PITPNC1: variants seen among roughly 807,000 people sequenced by gnomAD.
PITPNC1 encodes phosphatidylinositol transfer protein cytoplasmic 1, also known as cytoplasmic phosphatidylinositol transfer protein 1.
PITPNC1 carries 18 observed loss-of-function variants against 44.7 expected under a neutral mutation model. The ratio of observed to expected loss-of-function variants is 0.40; its 90% CI spans 0.28 to 0.60. PITPNC1 has a LOEUF of 0.60. Ranked by LOEUF, PITPNC1 falls within the 20% of genes least tolerant of loss-of-function variation. The pLI is 0.39. For synonymous variants in PITPNC1, 141 were observed against 149.6 expected (o/e 0.94, Z 0.42); for missense variants, 290 against 418.4 (o/e 0.69, Z 2.68).
At chr17:67,602,972 C>T (rs563245277) in intron 5 of PITPNC1, among the ~76,000 whole-genome samples, 47 of 152,112 alleles carry the variant, frequency 3.1e-4, no homozygotes, top group Non-Finnish European at 5.4e-4. Flanking sequence ...AACTCCTGGG[C>T]TCAAGTGATC....
intron 1 of PITPNC1, among the ~76,000 whole-genome samples, chr17:67,500,341 A>G (rs1402263559): frequency 6.6e-6 from 1 of 152,254 alleles, no homozygotes; most frequent in Non-Finnish European, 1.5e-5. Context: ...ATTCTGATAT[A>G]TGCTACAACA....
intron 8 of PITPNC1, among the ~76,000 whole-genome samples, chr17:67,684,313 A>G (rs1485813453): frequency 6.6e-6 from 1 of 151,880 alleles, no homozygotes; most frequent in Admixed American, 6.6e-5. Flanking sequence ...GGGTTTCACC[A>G]TGTTGGCCGG....
chr17:67,625,426 G>A (rs1166365636), intron 5 of PITPNC1, among the ~76,000 whole-genome samples: 15 of 152,132 alleles, frequency 9.9e-5, no homozygotes, highest in Admixed American at 8.5e-4. Context: ...TCCAAGAGCC[G>A]GGAGTTGTAC....
intron 1 of PITPNC1, among the ~76,000 whole-genome samples, chr17:67,394,778 C>T (rs1311745826): frequency 1.4e-4 from 21 of 152,064 alleles, no homozygotes. Context: ...CCTGTAGTCC[C>T]AGCTACTTGG....
At position 67,649,272 on chromosome 17, in the gene PITPNC1, C is replaced by T. The variant is rs558259263; in HGVS notation, c.462+17034C>T. On this transcript the variant is annotated intron_variant, in intron 6 of 8. Transcript: ENST00000581322. ...GTGTCCCCAAAAGCTTGCAGAGGAACGTAGAGATTGCACCTGCTGCCCATC... is the reference window on the plus strand; with the variant it reads ...GTGTCCCCAAAAGCTTGCAGAGGAATGTAGAGATTGCACCTGCTGCCCATC... Among the ~76,000 whole-genome samples the T allele has an allele frequency of 6.6e-5, 10 of 152,274 alleles. No homozygotes were observed. The South Asian group carries it at 2.1e-3, about 32-fold the overall frequency.
At chr17:67,576,524 C>T (rs2041152292) in intron 4 of PITPNC1, among the ~76,000 whole-genome samples, 2 of 152,178 alleles carry the variant, frequency 1.3e-5, no homozygotes, top group South Asian at 4.1e-4. Flanking sequence ...CTGGTTTCCC[C>T]AACACCCACA....
At position 67,425,193 on chromosome 17, in the gene PITPNC1, G is replaced by GCGCGCGCGCGCACACACACACACACACA. The variant is rs1160522771; in HGVS notation, c.48+46992_48+46993insGCGCGCGCGCACACACACACACACACAC. On this transcript the variant is annotated intron_variant, in intron 1 of 8. Transcript: ENST00000581322. ...AAATAAACAGCCATGTTGTGCGCGC[G>GCGCGCGCGCGCACACACACACACACACA]CACGCACACGCACACACACACACAC... Among the ~76,000 whole-genome samples the GCGCGCGCGCGCACACACACACACACACA allele has an allele frequency of 2.3e-4, 12 of 52,118 alleles. 1 individual carries two copies. Among genetic ancestry groups the GCGCGCGCGCGCACACACACACACACACA allele is most frequent in the East Asian group, 1.1e-3 (2 of 1,808 alleles). The allele number at this position is 52,118 out of a possible 152,430, so 34.2% of individuals were successfully genotyped here. A position where few individuals can be genotyped will look rare whatever the true frequency, so the allele number is the denominator to read the frequency against.
At chr17:67,644,870 G>C (rs922141050) in intron 6 of PITPNC1, among the ~76,000 whole-genome samples, 4 of 152,104 alleles carry the variant, frequency 2.6e-5, no homozygotes, top group Non-Finnish European at 5.9e-5. Flanking sequence ...TCCCAAATCA[G>C]GTCAGCATCA....
chr17:67,470,561 C>A (rs181685586), intron 1 of PITPNC1, among the ~76,000 whole-genome samples: 32 of 146,488 alleles, frequency 2.2e-4, no homozygotes, highest in African/African-American at 7.8e-4. Flanking sequence ...CCATATTCCC[C>A]GTCCGGGAGG....
intron 1 of PITPNC1, among the ~76,000 whole-genome samples, chr17:67,477,720 C>T (rs1274961559): frequency 2.6e-5 from 4 of 152,068 alleles, no homozygotes; most frequent in Non-Finnish European, 5.9e-5. Context: ...TAATTTTTAC[C>T]ATTCAGACAG....
At position 67,597,259 on chromosome 17, in the gene PITPNC1, A is replaced by G. The variant is rs974656049; in HGVS notation, c.366+19002A>G. Among the ~76,000 whole-genome samples, 4 of 152,042 alleles carry G rather than the reference A, an allele frequency of 2.6e-5. No individual in the cohort carries two copies. Among genetic ancestry groups the G allele is most frequent in the Non-Finnish European group, 4.4e-5 (3 of 67,998 alleles). ...TATCATAGATGTTCAGTAAATATCAATTATCTTCCTCAGGCTGAGCATGGT... is the reference window on the plus strand; with the variant it reads ...TATCATAGATGTTCAGTAAATATCAGTTATCTTCCTCAGGCTGAGCATGGT... On this transcript the variant is annotated intron_variant, in intron 5 of 8. Coordinates refer to ENST00000581322, the MANE Select transcript of PITPNC1 (RefSeq NM_012417.4). This position sits in a 1 kb window ranked among gnomAD's most constrained non-coding sequence, Gnocchi z 4.0.
rs2040142015 is a variant in PITPNC1, at chr17:67,508,953, G to T, written c.49-23849G>T. 1.3e-5 allele frequency among the ~76,000 whole-genome samples: 2 copies of T among 152,172 alleles called. No homozygotes were observed. The highest frequency in any genetic ancestry group is 6.5e-5 in the Admixed American group (1 of 15,280). On this transcript the variant is annotated intron_variant, in intron 1 of 8. Coordinates refer to ENST00000581322, the MANE Select transcript of PITPNC1 (RefSeq NM_012417.4). This position sits in a 1 kb window ranked among gnomAD's most constrained non-coding sequence, Gnocchi z 4.2. ...TACCATAATTTAAAAATAAAAACAG[G>T]CCGGGCTTGGTGGCTCACGTCTGTA...
At chr17:67,430,709 C>T (rs1215170422) in intron 1 of PITPNC1, among the ~76,000 whole-genome samples, 1 of 150,808 alleles carries the variant, frequency 6.6e-6, no homozygotes, top group Non-Finnish European at 1.5e-5. Flanking sequence ...GTCCCAGCTA[C>T]TTGGGAGGCT....
chr17:67,551,754 C>G (rs779752317), intron 2 of PITPNC1, among the ~76,000 whole-genome samples: 2 of 152,208 alleles, frequency 1.3e-5, no homozygotes, highest in Non-Finnish European at 2.9e-5. Context: ...CAACCCACTA[C>G]AACTGTATTT....
chr17:67,427,279 T>C (rs925449899), intron 1 of PITPNC1, among the ~76,000 whole-genome samples: 4 of 152,090 alleles, frequency 2.6e-5, no homozygotes, highest in Non-Finnish European at 4.4e-5. Context: ...GGTGTGATCT[T>C]GGCTCACTGC....
intron 5 of PITPNC1, chr17:67,613,339 A>G (rs891064606): frequency 6.6e-6 from 1 of 152,246 alleles, no homozygotes; most frequent in Non-Finnish European, 1.5e-5. Context: ...TAGTCAGTTG[A>G]TATCAATGGA....
rs996025556 is a variant in PITPNC1, at chr17:67,632,312, C to G, written c.462+74C>G. 3 of 955,282 alleles carry G rather than the reference C, an allele frequency of 3.1e-6. No individual in the cohort carries two copies. The Admixed American group carries it at 5.7e-5, about 18-fold the overall frequency. 59.2% of individuals were successfully genotyped at this position (955,282 alleles called of 1,614,324 possible). A position where few individuals can be genotyped will look rare whatever the true frequency, so the allele number is the denominator to read the frequency against. On this transcript the variant is annotated intron_variant, in intron 6 of 8. Coordinates refer to ENST00000581322, the MANE Select transcript of PITPNC1 (RefSeq NM_012417.4). ...TCCACAACTATTTCTTAAGTGCCTC[C>G]TAACTTGGGAGGATGCCATCTCTCG...
chr17:67,559,924 G>A (rs912065689), intron 4 of PITPNC1, among the ~76,000 whole-genome samples: 4 of 152,096 alleles, frequency 2.6e-5, no homozygotes, highest in African/African-American at 7.2e-5. Flanking sequence ...AGAAGATTAT[G>A]TGAGACCGGT....
chr17:67,493,467 C>T (rs1001310391), intron 1 of PITPNC1, among the ~76,000 whole-genome samples: 1 of 152,194 alleles, frequency 6.6e-6, no homozygotes, highest in African/African-American at 2.4e-5. Context: ...CTTTTAAGCT[C>T]TATGCTCCAT....
Sources: gnomAD v4.1 joint callset for allele counts (sites outside exome capture counted in the v4.1 genomes callset) on GRCh38, gnomAD v4.1.1 for gene constraint, Gnocchi (gnomAD v3.1) non-coding constraint, MANE v1.5 for transcripts, NCBI Gene and HGNC (gene_info 2026-07-23, HGNC 2026-07-21) for gene names.